SDK1: variants seen among roughly 807,000 people sequenced by gnomAD.
SDK1 encodes protein sidekick-1.
In SDK1, 157 loss-of-function variants were observed where a neutral mutation model predicts 245.5. The observed-to-expected ratio is 0.64, with a 90% CI of 0.56 to 0.73. SDK1 has a LOEUF of 0.73. SDK1 is among the 30% of genes least tolerant of loss of function. The pLI, the probability that SDK1 is intolerant of heterozygous loss-of-function variation, is 0.00. For missense variants in SDK1, 3,583 were observed against 3,002.3 expected, an observed-to-expected ratio of 1.19 and a Z score of -4.52; for synonymous variants, 1,647 against 1,278.5, an observed-to-expected ratio of 1.29 and a Z score of -6.15.
At chr7:3,996,579 T>C (rs943155704) in intron 14 of SDK1, among the ~76,000 whole-genome samples, 2 of 152,224 alleles carry the variant, frequency 1.3e-5, no homozygotes, top group Non-Finnish European at 2.9e-5. Context: ...TTTGTCAAGG[T>C]TGTCCTGAGA....
intron 1 of SDK1, among the ~76,000 whole-genome samples, chr7:3,496,718 C>G (rs899277873): frequency 4.6e-5 from 7 of 152,200 alleles, no homozygotes; most frequent in African/African-American, 1.2e-4. Context: ...GACTACTTTA[C>G]TTCTCCGTTC....
intron 9 of SDK1, among the ~76,000 whole-genome samples, chr7:3,966,925 GTCC>G (rs1441552087): frequency 6.6e-6 from 1 of 152,066 alleles, no homozygotes; most frequent in Non-Finnish European, 1.5e-5. Flanking sequence ...AACTCAAGCA[GTCC>G]TCTTGCCTCA....
chr7:3,399,181 T>A (rs1399351946), intron 1 of SDK1, among the ~76,000 whole-genome samples: 1 of 152,064 alleles, frequency 6.6e-6, no homozygotes, highest in Non-Finnish European at 1.5e-5. Context: ...GACCACATAA[T>A]CTCAATGTAT....
chr7:4,056,124 T>C (rs1779179232), intron 19 of SDK1, among the ~76,000 whole-genome samples: 1 of 152,066 alleles, frequency 6.6e-6, no homozygotes, highest in South Asian at 2.1e-4. Flanking sequence ...GTAAATTTTA[T>C]GTCTCAGAGA....
Position 4,017,177 on chromosome 7 carries a change from C to A in SDK1, c.2427C>A (p.Arg809=), listed in dbSNP as rs1419033825. 1.9e-6 allele frequency: 3 copies of A among 1,609,954 alleles called. No individual in the cohort carries two copies. The African/African-American group carries it at 4.0e-5, about 22-fold the overall frequency. The change falls in exon 17 of 45, where the codon CGC becomes CGA. Residue 809 remains arginine (R), a synonymous_variant. Coordinates refer to ENST00000404826, the MANE Select transcript of SDK1 (RefSeq NM_152744.4). ...GVLRGYILRY[R]LAGLPGEYQQ... is the part of the protein sequence containing the mutation. ...GGCTTCCTTCGTGGCGCAGGTACCG[C>A]CTGGCTGGCCTTCCCGGAGAGTACC...
chr7:4,051,091 A>C (rs1764832825), intron 18 of SDK1, among the ~76,000 whole-genome samples: 1 of 139,966 alleles, frequency 7.1e-6, no homozygotes, highest in South Asian at 2.1e-4. Flanking sequence ...ATAGTATACT[A>C]TATGTGTATA....
At chr7:3,397,492 C>T (rs1020939102) in intron 1 of SDK1, among the ~76,000 whole-genome samples, 15 of 150,998 alleles carry the variant, frequency 9.9e-5, no homozygotes, top group Admixed American at 7.3e-4. Context: ...CCCCCCCCAG[C>T]GCTTTGAATA....
At chr7:3,429,616 T>G (rs960871705) in intron 1 of SDK1, among the ~76,000 whole-genome samples, 4 of 149,808 alleles carry the variant, frequency 2.7e-5, no homozygotes, top group Non-Finnish European at 4.4e-5. Context: ...TTTTTTTTTT[T>G]GTCAGGGTCT....
intron 22 of SDK1, among the ~76,000 whole-genome samples, chr7:4,110,415 T>C (rs1345843148): frequency 6.6e-6 from 1 of 152,200 alleles, no homozygotes; most frequent in Non-Finnish European, 1.5e-5. Flanking sequence ...TTGGGTCCAG[T>C]CCTTCTGTGG....
chr7:4,243,370 T>C (rs1348864377), intron 43 of SDK1, among the ~76,000 whole-genome samples: 1 of 152,200 alleles, frequency 6.6e-6, no homozygotes, highest in African/African-American at 2.4e-5. Flanking sequence ...CCTTAGGTTT[T>C]TAAATAAGCC....
At chr7:3,508,114 A>G (rs912912565) in intron 1 of SDK1, among the ~76,000 whole-genome samples, 3 of 151,822 alleles carry the variant, frequency 2.0e-5, no homozygotes, top group Non-Finnish European at 1.5e-5. Flanking sequence ...GGTGTTGTCC[A>G]TTGTCCTTGT....
At chr7:3,790,716 G>C (rs138661536) in intron 4 of SDK1, among the ~76,000 whole-genome samples, 1 of 152,182 alleles carries the variant, frequency 6.6e-6, no homozygotes, top group African/African-American at 2.4e-5. Flanking sequence ...TGAGGCAGGA[G>C]AATTGCTTGA....
Position 3,387,067 on chromosome 7 carries a change from A to T in SDK1, c.298+85183A>T, listed in dbSNP as rs111763351. ...CATTTCAAAAATGGTTTCCCAAGTG[A>T]GCATATGTTTACTCTTGGCTGACAC... On this transcript the variant is annotated intron_variant, in intron 1 of 44. Coordinates refer to ENST00000404826, the MANE Select transcript of SDK1 (RefSeq NM_152744.4). 4.9e-3 allele frequency among the ~76,000 whole-genome samples: 744 copies of T among 152,120 alleles called. 10 individuals are homozygous for T. Among genetic ancestry groups the T allele is most frequent in the African/African-American group, 0.017 (689 of 41,506 alleles).
intron 1 of SDK1, among the ~76,000 whole-genome samples, chr7:3,408,687 CTG>C (rs1300378971): frequency 1.3e-5 from 2 of 152,092 alleles, no homozygotes; most frequent in Non-Finnish European, 2.9e-5. Flanking sequence ...CTTGAATTAA[CTG>C]TTTATTTTTT....
chr7:3,927,025 C>T (rs1376143801), intron 5 of SDK1, among the ~76,000 whole-genome samples: 1 of 152,176 alleles, frequency 6.6e-6, no homozygotes, highest in Non-Finnish European at 1.5e-5. Context: ...CGCTCTCAGC[C>T]ACAGAGGAAT....
intron 17 of SDK1, among the ~76,000 whole-genome samples, chr7:4,018,780 C>T (rs1344631189): frequency 6.6e-6 from 1 of 152,084 alleles, no homozygotes; most frequent in African/African-American, 2.4e-5. Flanking sequence ...CCATGAAAGG[C>T]TTAAGATCTG....
chr7:3,986,836 G>A (rs1298935086), intron 13 of SDK1, among the ~76,000 whole-genome samples: 1 of 152,178 alleles, frequency 6.6e-6, no homozygotes, highest in African/African-American at 2.4e-5. Flanking sequence ...CTCCAGGCTG[G>A]GCGACAGAGC....
intron 35 of SDK1, among the ~76,000 whole-genome samples, chr7:4,189,654 A>G (rs1374382238): frequency 6.6e-6 from 1 of 152,214 alleles, no homozygotes; most frequent in Non-Finnish European, 1.5e-5. Context: ...GTTCGAAACC[A>G]GCCTGGTGAA....
intron 5 of SDK1, among the ~76,000 whole-genome samples, chr7:3,883,027 G>C (rs934793662): frequency 2.0e-5 from 3 of 152,162 alleles, no homozygotes; most frequent in South Asian, 2.1e-4. Flanking sequence ...ATAAGAAATT[G>C]GAACATAGGA....
Sources: allele counts gnomAD v4.1 joint callset (sites outside exome capture counted in the v4.1 genomes callset), GRCh38; gene constraint gnomAD v4.1.1; transcripts MANE v1.5; gene names NCBI Gene and HGNC (gene_info 2026-07-23, HGNC 2026-07-21).